The following UTRN variants were observed in gnomAD, a reference collection of about 807,000 sequenced individuals.
UTRN encodes dystrophin-related protein 1.
A neutral mutation model predicts 463.9 loss-of-function variants in UTRN; 283 were observed. The ratio of observed to expected loss-of-function variants is 0.61; its 90% CI spans 0.55 to 0.67. The LOEUF (loss-of-function observed/expected upper bound fraction) is 0.67. UTRN is among the 30% of genes least tolerant of loss of function. The pLI, the probability that UTRN is intolerant of heterozygous loss-of-function variation, is 0.00. For missense variants in UTRN, 3,922 were observed against 4,084.3 expected, an observed-to-expected ratio of 0.96 and a Z score of 1.08; for synonymous variants, 1,442 against 1,431.5, an observed-to-expected ratio of 1.01 and a Z score of -0.17.
At chr6:144,289,693 G>C (rs1472342172) in intron 1 of UTRN, among the ~76,000 whole-genome samples, 1 of 151,996 alleles carries the variant, frequency 6.6e-6, no homozygotes, top group East Asian at 1.9e-4. Flanking sequence ...TTGTCACCCA[G>C]GCTGGAGAGT....
At chr6:144,407,809 A>C (rs1783546530) in intron 3 of UTRN, among the ~76,000 whole-genome samples, 1 of 152,236 alleles carries the variant, frequency 6.6e-6, no homozygotes, top group African/African-American at 2.4e-5. Context: ...ATCATGGAGT[A>C]TACAGTGCTT....
At chr6:144,748,131 AT>A in intron 54 of UTRN, 114 bp from the exon 55 acceptor site, 1 of 1,355,372 alleles carries the variant, frequency 7.4e-7, no homozygotes, top group Non-Finnish European at 9.7e-7. Flanking sequence ...CCCTGGAGTA[AT>A]TTTTTCTTAC....
chr6:144,473,343 G>C (rs552535783), intron 23 of UTRN, among the ~76,000 whole-genome samples: 1 of 152,256 alleles, frequency 6.6e-6, no homozygotes, highest in East Asian at 1.9e-4. Context: ...TTCCTGCTCT[G>C]AGTTACTAAC....
rs190800564 is a variant in UTRN at position 144,330,728 on chromosome 6, A to G, written c.79+38821A>G. The G allele has an allele frequency of 4.8e-4, 364 of 755,266 alleles. 2 individuals are homozygous for G. The African/African-American group carries it at 6.5e-3, about 13-fold the overall frequency. The allele number at this position is 755,266 out of a possible 1,614,324, so 46.8% of individuals were successfully genotyped here. The stretch of plus-strand genomic sequence containing the variant: ...CTCCACACCTGGCAGAGGCTCAGAC[A>G]GAGCAGACCAGGATTGGGCTATTCA... On this transcript the variant is annotated intron_variant, in intron 2 of 74. Transcript: ENST00000367545.
At position 144,490,935 on chromosome 6, in the gene UTRN, C is replaced by T. The variant is rs1486631183; in HGVS notation, c.4270C>T (p.Leu1424Phe). ...GSQMDVLQRK[L>F]REVSTKFQLF... The stretch of plus-strand genomic sequence containing the variant: ...TTTTCATTTCTGCAAACAGAGGAAA[C>T]TCCGAGAGGTGTCCACAAAGTTCCA... Residue 1424 changes from leucine (L) to phenylalanine (F), a missense_variant, in exon 32 of 75, where the codon CTC becomes TTC. Around this residue, in one of 3 missense-constraint regions of UTRN, gnomAD observed 2,349 missense variants for 2,303.8 expected, o/e 1.02. Coordinates refer to ENST00000367545, the MANE Select transcript of UTRN (RefSeq NM_007124.3). 10 of 1,597,500 alleles carry T rather than the reference C, an allele frequency of 6.3e-6. No individual in the cohort carries two copies. Among genetic ancestry groups the T allele is most frequent in the Middle Eastern group, 1.7e-4 (1 of 6,008 alleles).
At chr6:144,339,629 A>G (rs1319411333) in intron 2 of UTRN, among the ~76,000 whole-genome samples, 1 of 152,078 alleles carries the variant, frequency 6.6e-6, no homozygotes, top group African/African-American at 2.4e-5. Flanking sequence ...TAAGAAAAAG[A>G]GGTGTTTGTC....
At chr6:144,347,827 C>G (rs947116443) in intron 2 of UTRN, among the ~76,000 whole-genome samples, 1 of 139,586 alleles carries the variant, frequency 7.2e-6, no homozygotes, top group African/African-American at 3.2e-5. Context: ...TGAACTGTGG[C>G]TTATTCTTTG....
intron 2 of UTRN, among the ~76,000 whole-genome samples, chr6:144,390,634 T>C (rs1781823750): frequency 1.3e-5 from 2 of 152,244 alleles, no homozygotes; most frequent in Admixed American, 1.3e-4. Flanking sequence ...TTTAGGACTT[T>C]GCTGCAGCTG....
chr6:144,686,193 A>G (rs1294779227), intron 52 of UTRN, among the ~76,000 whole-genome samples: 1 of 152,216 alleles, frequency 6.6e-6, no homozygotes, highest in South Asian at 2.1e-4. Context: ...CTTTGTCAAA[A>G]TCAGTTGGTT....
At chr6:144,435,736 C>T (rs1562394918) in intron 9 of UTRN, among the ~76,000 whole-genome samples, 199 bp from the exon 10 acceptor site, 1 of 152,206 alleles carries the variant, frequency 6.6e-6, no homozygotes, top group Non-Finnish European at 1.5e-5. Context: ...GTGCATGCTG[C>T]TTTTATACTC....
At chr6:144,672,829 C>A (rs902458409) in intron 51 of UTRN, among the ~76,000 whole-genome samples, 3 of 152,076 alleles carry the variant, frequency 2.0e-5, no homozygotes, top group African/African-American at 7.2e-5. Flanking sequence ...TTCCTCTTAG[C>A]ACTGCTTTTG....
intron 65 of UTRN, among the ~76,000 whole-genome samples, chr6:144,810,030 C>T (rs1354795035): frequency 2.0e-5 from 3 of 152,196 alleles, no homozygotes; most frequent in Admixed American, 6.6e-5. Context: ...TGGACAGTTG[C>T]GTAGAAGTAT....
In UTRN at chr6:144,499,408, C is replaced by T; in HGVS notation, c.4745C>T (p.Thr1582Ile). 6.2e-7 allele frequency: 1 copy of T among 1,607,044 alleles called. No homozygotes were observed. Among genetic ancestry groups the T allele is most frequent in the African/African-American group, 1.3e-5 (1 of 74,926 alleles). ...TSEGLLGDLD[T>I]EISWAKNVLK... ...GAAGGTCTGCTTGGTGACTTGGATA[C>T]AGAAATTTCCTGGGCTAAAGTAAGT... is the stretch of plus-strand genomic sequence containing the variant. Residue 1582 changes from threonine to isoleucine, a missense_variant, in exon 34 of 75, where the codon ACA becomes ATA. By Grantham distance (89) the Thr-to-Ile change is moderately conservative (BLOSUM62 -1). Around this residue, in one of 3 missense-constraint regions of UTRN, gnomAD observed 2,349 missense variants for 2,303.8 expected, o/e 1.02. Coordinates refer to ENST00000367545, the MANE Select transcript of UTRN (RefSeq NM_007124.3).
intron 51 of UTRN, among the ~76,000 whole-genome samples, chr6:144,654,253 T>A (rs1458076962): frequency 6.6e-6 from 1 of 152,188 alleles, no homozygotes. Context: ...AGGGACATGG[T>A]TCAGAGTTGA....
chr6:144,610,791 C>G (rs1048147341), intron 51 of UTRN, among the ~76,000 whole-genome samples: 8 of 152,206 alleles, frequency 5.3e-5, no homozygotes. Context: ...AGGAGAATCT[C>G]TTGAACCTTG....
At chr6:144,802,461 G>A (rs990911449) in intron 64 of UTRN, among the ~76,000 whole-genome samples, 18 of 152,104 alleles carry the variant, frequency 1.2e-4, no homozygotes, top group African/African-American at 1.9e-4. Context: ...AACAGATTTC[G>A]GAGAAGATGT....
chr6:144,601,505 G>A (rs964297081), intron 51 of UTRN, among the ~76,000 whole-genome samples: 1 of 151,776 alleles, frequency 6.6e-6, no homozygotes, highest in Non-Finnish European at 1.5e-5. Context: ...AGAATTAGAA[G>A]TGGAGCCTGA....
rs565592840 is a variant in UTRN, at chr6:144,561,471, T to C, written c.7289+4160T>C. ...CTACACTGAAGTATTGTAAAGGAAA[T>C]GAGACAGTATAACTGTGTGCTATAA... is the stretch of plus-strand genomic sequence containing the variant. On this transcript the variant is annotated intron_variant, in intron 50 of 74. Transcript: ENST00000367545. 7.1e-4 allele frequency among the ~76,000 whole-genome samples: 108 copies of C among 151,892 alleles called. 1 individual carries two copies. Among genetic ancestry groups the C allele is most frequent in the Non-Finnish European group, 1.0e-3 (69 of 67,894 alleles).
In UTRN at chr6:144,851,665, C is replaced by T. The variant is rs1782491856; in HGVS notation, c.*668C>T. 1 of 152,140 alleles carries T rather than the reference C, an allele frequency of 6.6e-6. No homozygotes were observed. The highest frequency in any genetic ancestry group is 2.4e-5 in the African/African-American group (1 of 41,430). 9.4% of individuals were successfully genotyped at this position (152,140 alleles called of 1,614,324 possible). A position where few individuals can be genotyped will look rare whatever the true frequency, so the allele number is the denominator to read the frequency against. On this transcript the variant is annotated 3_prime_UTR_variant, in exon 75 of 75. Coordinates refer to ENST00000367545, the MANE Select transcript of UTRN (RefSeq NM_007124.3). ...CCGTTTAACTTTATTTGACGTTGCCCACTTACTTCTTTGCTGACCACTTGG... is the reference window on the plus strand; with the variant it reads ...CCGTTTAACTTTATTTGACGTTGCCTACTTACTTCTTTGCTGACCACTTGG...
Sources: gnomAD v4.1 joint callset for allele counts (sites outside exome capture counted in the v4.1 genomes callset) on GRCh38, gnomAD v4.1.1 for gene constraint, gnomAD v4.1.1 regional missense constraint, MANE v1.5 for transcripts, NCBI Gene and HGNC (gene_info 2026-07-23, HGNC 2026-07-21) for gene names.